AOPEP: variants seen among roughly 807,000 people sequenced by gnomAD.
AOPEP encodes the protein aminopeptidase O.
A neutral mutation model predicts 98.1 loss-of-function variants in AOPEP; 77 were observed. That is an observed-to-expected ratio of 0.78 (90% CI 0.65 to 0.95). The LOEUF (loss-of-function observed/expected upper bound fraction) is 0.95, where lower values mean the gene tolerates loss of function less well. Ranked by LOEUF, AOPEP falls within the 40% of genes least tolerant of loss-of-function variation. The pLI is 0.00. For missense variants in AOPEP, 1,024 were observed against 1,024.7 expected, an observed-to-expected ratio of 1.00 and a Z score of 0.01; for synonymous variants, 346 against 365.3, an observed-to-expected ratio of 0.95 and a Z score of 0.60.
At chr9:95,037,349 A>G (rs1378621163) in intron 13 of AOPEP, among the ~76,000 whole-genome samples, 6 of 152,158 alleles carry the variant, frequency 3.9e-5, no homozygotes. Context: ...ATAGAAGATG[A>G]TAGGCTGTAC....
At chr9:94,979,870 C>T (rs560929124) in intron 11 of AOPEP, among the ~76,000 whole-genome samples, 12 of 152,316 alleles carry the variant, frequency 7.9e-5, no homozygotes, top group Admixed American at 7.8e-4. Flanking sequence ...CTGTCCTGCC[C>T]CATGGTCCCT....
At chr9:95,093,339 A>C in the AOPEP span, among the ~76,000 whole-genome samples, 1 of 152,212 alleles carries the variant, frequency 6.6e-6, no homozygotes, top group Admixed American at 6.5e-5. Flanking sequence ...TTTTTCTAGA[A>C]AATTCTGTCC....
intron 7 of AOPEP, chr9:94,931,769 T>A: frequency 6.5e-7 from 1 of 1,550,262 alleles, no homozygotes; most frequent in Non-Finnish European, 8.7e-7. Context: ...TTTGCCACAC[T>A]GTTCAACATG....
In AOPEP at chr9:94,789,946, T is replaced by G. The variant is rs548631394; in HGVS notation, c.965-2819T>G. On this transcript the variant is annotated intron_variant, in intron 3 of 16. Transcript: ENST00000375315. ...GGGAGTGCAGTGGCGCAATCTCGGC[T>G]CACTGCAAGCTCCGCCTCCCGGGTT... Among the ~76,000 whole-genome samples, 4 of 152,008 alleles carry G rather than the reference T, an allele frequency of 2.6e-5. No individual in the cohort carries two copies. The South Asian group carries it at 6.2e-4, about 24-fold the overall frequency.
At chr9:94,989,175 C>T (rs1187822819) in intron 11 of AOPEP, among the ~76,000 whole-genome samples, 2 of 152,038 alleles carry the variant, frequency 1.3e-5, no homozygotes, top group Non-Finnish European at 2.9e-5. Context: ...GATCTCTGCT[C>T]ACTGCAAGCT....
the AOPEP span, chr9:95,100,790 C>T: frequency 4.4e-6 from 1 of 225,772 alleles, no homozygotes; most frequent in Non-Finnish European, 8.8e-6. Context: ...GCCATTGCAC[C>T]CCGATAATTT....
chr9:95,102,826 T>G, the AOPEP span, among the ~76,000 whole-genome samples: 1 of 152,208 alleles, frequency 6.6e-6, no homozygotes, highest in East Asian at 1.9e-4. Flanking sequence ...GACGCAGAGC[T>G]AAGAGTAAAC....
intron 5 of AOPEP, among the ~76,000 whole-genome samples, chr9:94,882,019 T>TA (rs2047644043): frequency 6.6e-6 from 1 of 152,080 alleles, no homozygotes; most frequent in African/African-American, 2.4e-5. Context: ...CTCTTATGAG[T>TA]AAATTTTTGA....
At chr9:95,135,064 ATAC>A in the AOPEP span, among the ~76,000 whole-genome samples, 1 of 152,254 alleles carries the variant, frequency 6.6e-6, no homozygotes, top group Non-Finnish European at 1.5e-5. Context: ...GAAATAAGAA[ATAC>A]TGTTTTTAAA....
chr9:94,915,297 C>CT (rs2052639280), intron 5 of AOPEP, among the ~76,000 whole-genome samples: 1 of 152,090 alleles, frequency 6.6e-6, no homozygotes, highest in East Asian at 1.9e-4. Context: ...TTTTTCTTTT[C>CT]TTTCTGCTCT....
chr9:94,957,609 T>C (rs1254964410), intron 9 of AOPEP, among the ~76,000 whole-genome samples: 3 of 152,206 alleles, frequency 2.0e-5, no homozygotes, highest in Non-Finnish European at 2.9e-5. Context: ...TACAAGTCAG[T>C]GGTTTTTGGT....
chr9:95,008,574 G>C (rs2062224925), intron 13 of AOPEP, among the ~76,000 whole-genome samples: 1 of 152,160 alleles, frequency 6.6e-6, no homozygotes, highest in Non-Finnish European at 1.5e-5. Flanking sequence ...CTCACAAGGG[G>C]AAGCAAAACA....
At chr9:95,085,546 G>T (rs1490516103) in intron 16 of AOPEP, 1 of 503,894 alleles carries the variant, frequency 2.0e-6, no homozygotes, top group South Asian at 1.5e-5. Flanking sequence ...AAGGTGAGAT[G>T]GGGACAGTTA....
intron 9 of AOPEP, among the ~76,000 whole-genome samples, chr9:94,956,905 G>A (rs761124572): frequency 1.3e-5 from 2 of 152,196 alleles, no homozygotes; most frequent in African/African-American, 4.8e-5. Context: ...TCACATGAGC[G>A]TAACAAGACC....
the AOPEP span, chr9:95,101,248 G>A: frequency 5.2e-5 from 15 of 290,522 alleles, no homozygotes; most frequent in East Asian, 7.4e-4. Context: ...AGACAGTGTG[G>A]CTTTATCCCA....
intron 5 of AOPEP, among the ~76,000 whole-genome samples, chr9:94,876,396 C>T (rs1161237547): frequency 6.1e-5 from 9 of 148,428 alleles, no homozygotes; most frequent in East Asian, 2.0e-4. Flanking sequence ...GATGGAGTCT[C>T]GCTTTATCCC....
intron 5 of AOPEP, among the ~76,000 whole-genome samples, chr9:94,884,764 C>T (rs1308226013): frequency 6.6e-6 from 1 of 152,060 alleles, no homozygotes; most frequent in Non-Finnish European, 1.5e-5. Flanking sequence ...GTAATCCCAG[C>T]ACTTTGGGAG....
chr9:94,910,153 C>G (rs967762942), intron 5 of AOPEP, among the ~76,000 whole-genome samples: 25 of 152,346 alleles, frequency 1.6e-4, no homozygotes, highest in Admixed American at 1.4e-3. Flanking sequence ...GCCCTCCGTC[C>G]ATTCTCACCT....
At chr9:94,730,743 A>G (rs1388629508) in intron 1 of AOPEP, among the ~76,000 whole-genome samples, 4 of 152,184 alleles carry the variant, frequency 2.6e-5, no homozygotes, top group Admixed American at 2.6e-4. Context: ...TTCAGAAACT[A>G]GTTTTCAACC....
Sources: allele counts gnomAD v4.1 joint callset (sites outside exome capture counted in the v4.1 genomes callset), GRCh38; gene constraint gnomAD v4.1.1; transcripts MANE v1.5; gene names NCBI Gene and HGNC (gene_info 2026-07-23, HGNC 2026-07-21).